SLC75A1: variants seen among roughly 807,000 people sequenced by gnomAD.
SLC75A1 encodes the protein major facilitator superfamily domain containing 10.
chr4:2,933,167 G>C, the SLC75A1 span: 1 of 1,613,558 alleles, frequency 6.2e-7, no homozygotes, highest in Non-Finnish European at 8.5e-7. Context: ...AGTGAGTGGC[G>C]CACACAGAAA....
chr4:2,931,555 C>G, the SLC75A1 span: 1 of 1,611,354 alleles, frequency 6.2e-7, no homozygotes, highest in African/African-American at 1.3e-5. Flanking sequence ...AGCCCCCTAC[C>G]CGCTTCACGG....
the SLC75A1 span, chr4:2,932,716 T>TC: frequency 6.3e-7 from 1 of 1,598,878 alleles, no homozygotes. Flanking sequence ...GCCGCAAAGC[T>TC]CCGAGAGGTG....
the SLC75A1 span, chr4:2,931,718 GC>G: frequency 3.2e-6 from 5 of 1,567,134 alleles, no homozygotes; most frequent in South Asian, 1.1e-5. Flanking sequence ...CCAGGGCAGG[GC>G]CAGGGCGAGA....
chr4:2,931,108 C>G, the SLC75A1 span: 1 of 1,589,608 alleles, frequency 6.3e-7, no homozygotes, highest in South Asian at 1.1e-5. Flanking sequence ...AGCACCTAGG[C>G]TGCGCAGTGT....
the SLC75A1 span, chr4:2,930,591 A>C: frequency 2.6e-5 from 15 of 568,590 alleles, no homozygotes; most frequent in African/African-American, 1.9e-4. Flanking sequence ...GCTTTATTTC[A>C]TCATCAGAAA....
At chr4:2,931,358 A>G in the SLC75A1 span, 2 of 1,544,896 alleles carry the variant, frequency 1.3e-6, no homozygotes, top group Non-Finnish European at 1.7e-6. Context: ...ATCCCCTGCC[A>G]GGGCAGGGCC....
chr4:2,931,853 G>A, the SLC75A1 span: 2 of 1,608,490 alleles, frequency 1.2e-6, no homozygotes, highest in African/African-American at 2.7e-5. Flanking sequence ...TGGTGTGTGA[G>A]GAAGCTCAGC....
At chr4:2,930,616 TAAAAAAC>T in the SLC75A1 span, 1 of 590,786 alleles carries the variant, frequency 1.7e-6, no homozygotes. Flanking sequence ...GTGCATAGTT[TAAAAAAC>T]AAACAGAAGC....
At chr4:2,934,004 A>AC in the SLC75A1 span, 197 of 1,421,828 alleles carry the variant, frequency 1.4e-4, 2 homozygotes, top group Middle Eastern at 2.0e-3. Flanking sequence ...GGCCTGGCAT[A>AC]CCCCCACACC....
At chr4:2,931,020 C>G in the SLC75A1 span, 1 of 1,611,266 alleles carries the variant, frequency 6.2e-7, no homozygotes, top group Non-Finnish European at 8.5e-7. Flanking sequence ...AGGGCAGGTG[C>G]TTGGCCCCCA....
chr4:2,931,117 G>A, the SLC75A1 span: 1 of 1,585,230 alleles, frequency 6.3e-7, no homozygotes, highest in African/African-American at 1.3e-5. Context: ...GCTGCGCAGT[G>A]TACCCATGAC....
the SLC75A1 span, chr4:2,932,894 A>C: frequency 8.2e-7 from 1 of 1,214,202 alleles, no homozygotes; most frequent in Non-Finnish European, 1.1e-6. Context: ...TTGCGTTCTC[A>C]GTGCCTTCCT....
chr4:2,934,814 A>G, the SLC75A1 span: 2 of 150,184 alleles, frequency 1.3e-5, no homozygotes, highest in African/African-American at 4.9e-5. Context: ...CAGACGCGGA[A>G]CAGGGCACCA....
At chr4:2,933,631 C>T in the SLC75A1 span, 1 of 1,613,820 alleles carries the variant, frequency 6.2e-7, no homozygotes. Flanking sequence ...CAAACCAGTC[C>T]ACCCCGCCCT....
At chr4:2,930,737 G>T in the SLC75A1 span, 1 of 1,362,624 alleles carries the variant, frequency 7.3e-7, no homozygotes, top group East Asian at 2.5e-5. Flanking sequence ...CACCCACAGG[G>T]TCTCCCTGGA....
chr4:2,933,753 G>A, the SLC75A1 span: 29 of 1,601,584 alleles, frequency 1.8e-5, 1 homozygote, highest in South Asian at 2.1e-4. Context: ...AAGGACTCAC[G>A]TGGGCACGGC....
the SLC75A1 span, chr4:2,931,010 A>G: frequency 6.2e-7 from 1 of 1,611,790 alleles, no homozygotes; most frequent in Non-Finnish European, 8.5e-7. Flanking sequence ...TTGGGAGGCG[A>G]GGGCAGGTGC....
the SLC75A1 span, chr4:2,933,941 T>C: frequency 1.9e-6 from 3 of 1,548,606 alleles, no homozygotes; most frequent in Non-Finnish European, 2.6e-6. Flanking sequence ...TGCTCTGACC[T>C]GGCCTGGGTG....
the SLC75A1 span, chr4:2,932,639 A>C: frequency 6.2e-7 from 1 of 1,613,170 alleles, no homozygotes; most frequent in East Asian, 2.2e-5. Context: ...CCAGGTCAGC[A>C]ACGATGGCCG....
Sources: allele counts gnomAD v4.1 joint callset, GRCh38; gene constraint gnomAD v4.1.1; transcripts MANE v1.5; gene names NCBI Gene and HGNC (gene_info 2026-07-23, HGNC 2026-07-21).